OR2M3: variants seen among roughly 807,000 people sequenced by gnomAD.
The protein encoded by OR2M3 is olfactory receptor 2M3.
In OR2M3, 1 loss-of-function variant was observed where a neutral mutation model predicts 4.3. The ratio of observed to expected loss-of-function variants is 0.23; its 90% CI spans 0.08 to 1.11. The LOEUF (loss-of-function observed/expected upper bound fraction) is 1.11, where lower values mean the gene tolerates loss of function less well. Among genes scored for constraint, OR2M3 ranks in the 50% most tolerant of loss-of-function variants. The probability of loss-of-function intolerance (pLI) is 0.54; values close to 1 mark genes in which losing one functional copy is unlikely to be tolerated. For synonymous variants in OR2M3, 151 were observed against 139.4 expected, an observed-to-expected ratio of 1.08 and a Z score of -0.59; for missense variants, 410 against 390.4, an observed-to-expected ratio of 1.05 and a Z score of -0.42.
rs921287360 is a variant in OR2M3, at chr1:248,209,522, T to A, written c.*5516T>A. ...CACTGAGTGCTCCCTCGATGTGGTG[T>A]TCTCATTCCCCTAGGAATGAGGCTT... On this transcript the variant is annotated 3_prime_UTR_variant, in exon 2 of 2. Coordinates refer to ENST00000641626, the MANE Select transcript of OR2M3 (RefSeq NM_001004689.2). The A allele has an allele frequency of 1.3e-5, 2 of 152,156 alleles. No individual in the cohort carries two copies. The highest frequency in any genetic ancestry group is 2.9e-5 in the Non-Finnish European group (2 of 68,034). The allele number at this position is 152,156 out of a possible 1,614,324, so 9.4% of individuals were successfully genotyped here.
chr1:248,206,545 CTCTG>C lies in OR2M3; in HGVS notation c.*2543_*2546del, dbSNP rs1252149098. ...TGTGGGATTTCATCAAATGCTTTTT[CTCTG>C]TCTATTGAGATGATCATGTGATTTT... On this transcript the variant is annotated 3_prime_UTR_variant, in exon 2 of 2. Transcript: ENST00000641626. 1 of 151,988 alleles carries C rather than the reference CTCTG, an allele frequency of 6.6e-6. No individual in the cohort carries two copies. The highest frequency in any genetic ancestry group is 1.5e-5 in the Non-Finnish European group (1 of 67,954). The allele number at this position is 151,988 out of a possible 1,614,324, so 9.4% of individuals were successfully genotyped here.
rs1666219481 is a variant in OR2M3, at chr1:248,205,926, G to A, written c.*1920G>A. 1 of 151,928 alleles carries A rather than the reference G, an allele frequency of 6.6e-6. No homozygotes were observed. Among genetic ancestry groups the A allele is most frequent in the Non-Finnish European group, 1.5e-5 (1 of 67,948 alleles). 9.4% of individuals were successfully genotyped at this position (151,928 alleles called of 1,614,324 possible). On this transcript the variant is annotated 3_prime_UTR_variant, in exon 2 of 2. Coordinates refer to ENST00000641626, the MANE Select transcript of OR2M3 (RefSeq NM_001004689.2). ...TTGTTTCTACCCATCCATGAGTATG[G>A]GATGTATTTCCATTTATTTGTGTTG...
In OR2M3 at chr1:248,208,647, C is replaced by T. The variant is rs546807813; in HGVS notation, c.*4641C>T. ...TTATTTAAGGAGGCTGATGATAGGG[C>T]GCCAATCCCTTCTAGCTTGTAGGGC... On this transcript the variant is annotated 3_prime_UTR_variant, in exon 2 of 2. Coordinates refer to ENST00000641626, the MANE Select transcript of OR2M3 (RefSeq NM_001004689.2). 7 of 152,144 alleles carry T rather than the reference C, an allele frequency of 4.6e-5. No individual in the cohort carries two copies. The highest frequency in any genetic ancestry group is 2.1e-4 in the South Asian group (1 of 4,830). 9.4% of individuals were successfully genotyped at this position (152,144 alleles called of 1,614,324 possible). A position where few individuals can be genotyped will look rare whatever the true frequency, so the allele number is the denominator to read the frequency against.
intron 1 of OR2M3, among the ~76,000 whole-genome samples, chr1:248,198,738 CTCA>C: frequency 6.6e-6 from 1 of 152,086 alleles, no homozygotes; most frequent in Admixed American, 6.6e-5. Context: ...GTCATGAAAT[CTCA>C]TCATGATTTT....
intron 1 of OR2M3, among the ~76,000 whole-genome samples, chr1:248,202,711 T>C (rs986619956): frequency 6.6e-6 from 1 of 152,028 alleles, no homozygotes; most frequent in Admixed American, 6.6e-5. Context: ...TCTATCAATG[T>C]GTCTGTAAAA....
At chr1:248,201,185 TG>T (rs1184624209) in intron 1 of OR2M3, among the ~76,000 whole-genome samples, 1 of 152,160 alleles carries the variant, frequency 6.6e-6, no homozygotes, top group Non-Finnish European at 1.5e-5. Context: ...TTTAAAACCC[TG>T]TGTTTTCTCA....
Position 248,203,679 on chromosome 1 carries a change from A to G in OR2M3, c.612A>G (p.Ile204Met), listed in dbSNP as rs1323303120. The G allele has an allele frequency of 1.9e-6, 3 of 1,613,452 alleles. No homozygotes were observed. Among genetic ancestry groups the G allele is most frequent in the Non-Finnish European group, 2.5e-6 (3 of 1,179,818 alleles). The change falls in exon 2 of 2, where the codon ATA becomes ATG. Residue 204 changes from isoleucine to methionine, a missense_variant. By Grantham distance (10) the Ile-to-Met change is conservative (BLOSUM62 1). Transcript: ENST00000641626. ...IFEKILFICC[I>M]VMIVFPVAII... Reference sequence around the variant, plus strand: ...AAAAGATTCTTTTCATCTGCTGTATAGTAATGATTGTTTTCCCTGTTGCAA... The same window carrying G: ...AAAAGATTCTTTTCATCTGCTGTATGGTAATGATTGTTTTCCCTGTTGCAA...
chr1:248,212,702 A>G lies in OR2M3; in HGVS notation c.*8696A>G, dbSNP rs1378991455. On this transcript the variant is annotated 3_prime_UTR_variant, in exon 2 of 2. Coordinates refer to ENST00000641626, the MANE Select transcript of OR2M3 (RefSeq NM_001004689.2). ...GATAAGGAAAATGAATAAAGACACT[A>G]TTTAAATTTATGCTGGCTATGAAAA... The G allele has an allele frequency of 1.3e-5, 2 of 151,982 alleles. No homozygotes were observed. Among genetic ancestry groups the G allele is most frequent in the Non-Finnish European group, 2.9e-5 (2 of 67,956 alleles). 9.4% of individuals were successfully genotyped at this position (151,982 alleles called of 1,614,324 possible).
chr1:248,210,423 C>A lies in OR2M3; in HGVS notation c.*6417C>A. Reference sequence around the variant, plus strand: ...CACAAAATTTCACAATGTGAGTTTCCATACGGTATTCTGTGTCAGGCCTCT... The same window carrying A: ...CACAAAATTTCACAATGTGAGTTTCAATACGGTATTCTGTGTCAGGCCTCT... On this transcript the variant is annotated 3_prime_UTR_variant, in exon 2 of 2. Coordinates refer to ENST00000641626, the MANE Select transcript of OR2M3 (RefSeq NM_001004689.2). 6.1e-6 allele frequency: 1 copy of A among 163,486 alleles called. No individual in the cohort carries two copies. The highest frequency in any genetic ancestry group is 1.9e-4 in the South Asian group (1 of 5,204). 10.1% of individuals were successfully genotyped at this position (163,486 alleles called of 1,614,324 possible).
intron 1 of OR2M3, among the ~76,000 whole-genome samples, chr1:248,198,037 G>A (rs570079670): frequency 1.3e-5 from 2 of 152,166 alleles, no homozygotes; most frequent in South Asian, 4.1e-4. Context: ...ATTAATGAAT[G>A]CTTTACATTT....
In OR2M3 at chr1:248,207,453, C is replaced by A. The variant is rs185684538; in HGVS notation, c.*3447C>A. On this transcript the variant is annotated 3_prime_UTR_variant, in exon 2 of 2. Transcript: ENST00000641626. ...TGATGTAGGCATCTAATGGAATGAA[C>A]TTTCCTCTTAGCACTGCTTTTGCTG... 1.3e-4 allele frequency: 20 copies of A among 152,142 alleles called. No individual in the cohort carries two copies. The highest frequency in any genetic ancestry group is 1.2e-3 in the Admixed American group (19 of 15,280). 9.4% of individuals were successfully genotyped at this position (152,142 alleles called of 1,614,324 possible). A position where few individuals can be genotyped will look rare whatever the true frequency, so the allele number is the denominator to read the frequency against.
chr1:248,210,670 T>C lies in OR2M3; in HGVS notation c.*6664T>C, dbSNP rs1442022204. The stretch of plus-strand genomic sequence containing the variant: ...CTCCCCCACCCTTAAGAAGGTTCTT[T>C]GTAATCTCCCCAACTCTTAAGAAGG... On this transcript the variant is annotated 3_prime_UTR_variant, in exon 2 of 2. Coordinates refer to ENST00000641626, the MANE Select transcript of OR2M3 (RefSeq NM_001004689.2). 1 of 147,746 alleles carries C rather than the reference T, an allele frequency of 6.8e-6. No individual in the cohort carries two copies. Among genetic ancestry groups the C allele is most frequent in the East Asian group, 1.9e-4 (1 of 5,200 alleles). The allele number at this position is 147,746 out of a possible 1,614,324, so 9.2% of individuals were successfully genotyped here.
intron 1 of OR2M3, among the ~76,000 whole-genome samples, chr1:248,199,552 G>T (rs758857986): frequency 6.6e-6 from 1 of 151,976 alleles, no homozygotes; most frequent in Non-Finnish European, 1.5e-5. Flanking sequence ...TTCAGAGTTG[G>T]ATCTCATATT....
At chr1:248,201,872 A>C (rs1666161427) in intron 1 of OR2M3, among the ~76,000 whole-genome samples, 1 of 152,100 alleles carries the variant, frequency 6.6e-6, no homozygotes, top group Admixed American at 6.6e-5. Context: ...ACTCACTGTG[A>C]CCTGTATGCA....
chr1:248,199,301 A>G (rs1427488987), intron 1 of OR2M3, among the ~76,000 whole-genome samples: 8 of 152,098 alleles, frequency 5.3e-5, no homozygotes, highest in African/African-American at 1.9e-4. Flanking sequence ...AATAAACAAG[A>G]TGTCATAATT....
rs1431750544 is a variant in OR2M3 at position 248,206,488 on chromosome 1, T to G, written c.*2482T>G. The stretch of plus-strand genomic sequence containing the variant: ...ACGTCACCTCTATGTCCCTTCGTGT[T>G]GATTTTGCTTAGAATTTTAATTGTA... On this transcript the variant is annotated 3_prime_UTR_variant, in exon 2 of 2. Transcript: ENST00000641626. 1 of 151,930 alleles carries G rather than the reference T, an allele frequency of 6.6e-6. No individual in the cohort carries two copies. The highest frequency in any genetic ancestry group is 6.6e-5 in the Admixed American group (1 of 15,238). The allele number at this position is 151,930 out of a possible 1,614,324, so 9.4% of individuals were successfully genotyped here. A position where few individuals can be genotyped will look rare whatever the true frequency, so the allele number is the denominator to read the frequency against.
Position 248,204,086 on chromosome 1 carries a change from A to C in OR2M3, c.*80A>C. On this transcript the variant is annotated 3_prime_UTR_variant, in exon 2 of 2. Transcript: ENST00000641626. ...CCTATTTTTCCATTAAGCCTTGAAAATGGGATTCATTGTGTACATAAATCT... is the reference window on the plus strand; with the variant it reads ...CCTATTTTTCCATTAAGCCTTGAAACTGGGATTCATTGTGTACATAAATCT... 7.3e-7 allele frequency: 1 copy of C among 1,364,414 alleles called. No individual in the cohort carries two copies. The highest frequency in any genetic ancestry group is 1.0e-6 in the Non-Finnish European group (1 of 965,190). 84.5% of individuals were successfully genotyped at this position (1,364,414 alleles called of 1,614,324 possible).
Position 248,206,965 on chromosome 1 carries a change from C to CAATTTTTTTT in OR2M3, c.*2960_*2961insATTTTTTTTA, listed in dbSNP as rs1666229886. The CAATTTTTTTT allele has an allele frequency of 9.2e-5, 14 of 151,414 alleles. No individual in the cohort carries two copies. The highest frequency in any genetic ancestry group is 8.6e-4 in the Admixed American group (13 of 15,204). The allele number at this position is 151,414 out of a possible 1,614,324, so 9.4% of individuals were successfully genotyped here. ...TGGACTTTTTTTTGGCAATTTTTTT[C>CAATTTTTTTT]ATTACAATTTCAGTCATGCTGCTTG... is the stretch of plus-strand genomic sequence containing the variant. On this transcript the variant is annotated 3_prime_UTR_variant, in exon 2 of 2. Coordinates refer to ENST00000641626, the MANE Select transcript of OR2M3 (RefSeq NM_001004689.2).
At chr1:248,200,148 T>C (rs1666140831) in intron 1 of OR2M3, among the ~76,000 whole-genome samples, 1 of 152,106 alleles carries the variant, frequency 6.6e-6, no homozygotes, top group African/African-American at 2.4e-5. Flanking sequence ...TGGAGTAATA[T>C]TGCAGACCTA....
Sources: gnomAD v4.1 joint callset for allele counts (sites outside exome capture counted in the v4.1 genomes callset) on GRCh38, gnomAD v4.1.1 for gene constraint, MANE v1.5 for transcripts, NCBI Gene and HGNC (gene_info 2026-07-23, HGNC 2026-07-21) for gene names.